Variants in ETV6 observed in about 807,000 individuals in gnomAD.
ETV6 encodes transcription factor ETV6.
A neutral mutation model predicts 51.1 loss-of-function variants in ETV6; 16 were observed. The observed-to-expected ratio is 0.31, with a 90% confidence interval of 0.21 to 0.48. The LOEUF is 0.48. Ranked by LOEUF, ETV6 falls within the 20% of genes least tolerant of loss-of-function variation. ETV6 has a pLI of 0.99. For missense variants in ETV6, 458 were observed against 594.8 expected (o/e 0.77, Z 2.39); for synonymous variants, 240 against 224.1 (o/e 1.07, Z -0.64).
At chr12:11,799,044 A>C (rs1591681926) in intron 2 of ETV6, among the ~76,000 whole-genome samples, 2 of 152,320 alleles carry the variant, frequency 1.3e-5, no homozygotes, top group East Asian at 3.9e-4. Flanking sequence ...GTTCAGGAAG[A>C]GATCTTGGGA....
chr12:11,697,476 C>T (rs1591615999), intron 1 of ETV6, among the ~76,000 whole-genome samples: 1 of 152,190 alleles, frequency 6.6e-6, no homozygotes, highest in Non-Finnish European at 1.5e-5. Context: ...TTGAGTCACT[C>T]ATTTGACTTC....
At chr12:11,687,228 TC>T (rs1391244862) in intron 1 of ETV6, among the ~76,000 whole-genome samples, 22 of 149,184 alleles carry the variant, frequency 1.5e-4, no homozygotes, top group Non-Finnish European at 2.4e-4. Context: ...TTTTTTTTTT[TC>T]AGCTCACTGC....
chr12:11,812,659 T>C (rs1044580008), intron 2 of ETV6, among the ~76,000 whole-genome samples: 2 of 152,156 alleles, frequency 1.3e-5, no homozygotes, highest in Non-Finnish European at 2.9e-5. Flanking sequence ...CTCAGTATTC[T>C]TTCACAGCCA....
intron 2 of ETV6, among the ~76,000 whole-genome samples, chr12:11,824,457 A>G (rs1206869902): frequency 6.6e-6 from 1 of 152,124 alleles, no homozygotes; most frequent in East Asian, 1.9e-4. Context: ...AGCTGTGGAG[A>G]AGCTGCTGGG....
intron 2 of ETV6, among the ~76,000 whole-genome samples, chr12:11,808,472 A>G (rs1415838206): frequency 6.6e-6 from 1 of 152,152 alleles, no homozygotes; most frequent in African/African-American, 2.4e-5. Context: ...AAATGCAACA[A>G]TAAAAAAATA....
At chr12:11,875,293 A>C (rs1377279822) in intron 5 of ETV6, among the ~76,000 whole-genome samples, 3 of 152,228 alleles carry the variant, frequency 2.0e-5, no homozygotes, top group Non-Finnish European at 2.9e-5. Flanking sequence ...AGTTTAGCAC[A>C]AGACGGAGTG....
intron 2 of ETV6, among the ~76,000 whole-genome samples, chr12:11,760,513 G>T (rs1945069253): frequency 1.3e-5 from 2 of 152,308 alleles, no homozygotes; most frequent in African/African-American, 2.4e-5. Flanking sequence ...GTTCACTGAG[G>T]AGGGTGAAGG....
rs887418550 is a variant in ETV6, at chr12:11,691,817, T to G, written c.33+41657T>G. Among the ~76,000 whole-genome samples the G allele has an allele frequency of 9.2e-5, 14 of 152,246 alleles. 1 individual carries two copies. The highest frequency in any genetic ancestry group is 7.8e-4 in the Admixed American group (12 of 15,290). ...CAGGTTTGCCATAAATATATTCATG[T>G]ATGTATAATCAGTTGTCCACGTGCA... On this transcript the variant is annotated intron_variant, in intron 1 of 7. Coordinates refer to ENST00000396373, the MANE Select transcript of ETV6 (RefSeq NM_001987.5).
At chr12:11,742,805 C>CTTTTTTTTTTTTTTTTTTTTTTTTTTTCT (rs751007395) in intron 1 of ETV6, among the ~76,000 whole-genome samples, 1 of 78,684 alleles carries the variant, frequency 1.3e-5, no homozygotes, top group African/African-American at 4.9e-5. Flanking sequence ...TTCTTTCTTT[C>CTTTTTTTTTTTTTTTTTTTTTTTTTTTCT]TTTTTTTTTT....
At chr12:11,888,329 T>C (rs1053435903) in intron 7 of ETV6, among the ~76,000 whole-genome samples, 1 of 152,038 alleles carries the variant, frequency 6.6e-6, no homozygotes, top group Non-Finnish European at 1.5e-5. Flanking sequence ...GCTGTCGTCT[T>C]CCATCATCAC....
intron 1 of ETV6, among the ~76,000 whole-genome samples, chr12:11,650,503 CAA>C (rs1393080284): frequency 7.5e-5 from 9 of 120,170 alleles, no homozygotes; most frequent in African/African-American, 2.6e-4. Context: ...AAACAAAAAA[CAA>C]AAAAAAAAAA....
chr12:11,761,006 A>C (rs1945079167), intron 2 of ETV6, among the ~76,000 whole-genome samples: 1 of 152,148 alleles, frequency 6.6e-6, no homozygotes, highest in Non-Finnish European at 1.5e-5. Context: ...AACTCTGCAC[A>C]GTAGATATTA....
At chr12:11,768,026 C>T (rs1945187692) in intron 2 of ETV6, among the ~76,000 whole-genome samples, 1 of 152,118 alleles carries the variant, frequency 6.6e-6, no homozygotes, top group Non-Finnish European at 1.5e-5. Context: ...CAGGATATTT[C>T]CAAATGGCTG....
At chr12:11,709,250 G>C (rs1031773459) in intron 1 of ETV6, among the ~76,000 whole-genome samples, 1 of 151,954 alleles carries the variant, frequency 6.6e-6, no homozygotes, top group African/African-American at 2.4e-5. Flanking sequence ...TTCTACCCCT[G>C]CCCTCTTATC....
intron 2 of ETV6, among the ~76,000 whole-genome samples, chr12:11,824,706 A>G (rs1946128244): frequency 6.6e-6 from 1 of 152,146 alleles, no homozygotes; most frequent in South Asian, 2.1e-4. Context: ...CTGGAGGCGG[A>G]AGTTGCTGTG....
chr12:11,854,388 G>A (rs889306789), intron 4 of ETV6, among the ~76,000 whole-genome samples: 46 of 152,188 alleles, frequency 3.0e-4, no homozygotes, highest in African/African-American at 1.1e-3. Context: ...ACCAGTCAGT[G>A]ACCTGGAGGT....
At position 11,650,050 on chromosome 12, in the gene ETV6, T is replaced by C; in HGVS notation, c.-78T>C. On this transcript the variant is annotated 5_prime_UTR_variant, in exon 1 of 8. Transcript: ENST00000396373. ...TTAAATGACCGCGTCTGGCTGGCCG[T>C]GGAGCCTTTCTGGGTTGGGGAGAGG... is the stretch of plus-strand genomic sequence containing the variant. 1 of 1,324,686 alleles carries C rather than the reference T, an allele frequency of 7.5e-7. No homozygotes were observed. The highest frequency in any genetic ancestry group is 1.1e-6 in the Non-Finnish European group (1 of 917,794). The allele number at this position is 1,324,686 out of a possible 1,614,324, so 82.1% of individuals were successfully genotyped here. A position where few individuals can be genotyped will look rare whatever the true frequency, so the allele number is the denominator to read the frequency against.
chr12:11,765,427 G>T (rs1358208519), intron 2 of ETV6, among the ~76,000 whole-genome samples: 6 of 150,372 alleles, frequency 4.0e-5, no homozygotes, highest in African/African-American at 1.5e-4. Context: ...CTCTTTTTGT[G>T]CTTTAGGTCT....
At chr12:11,859,233 C>G (rs548791211) in intron 4 of ETV6, among the ~76,000 whole-genome samples, 2 of 140,916 alleles carry the variant, frequency 1.4e-5, no homozygotes, top group South Asian at 4.7e-4. Context: ...GCTCCACCTC[C>G]TGGGTTCACT....
Sources: allele counts gnomAD v4.1 joint callset (sites outside exome capture counted in the v4.1 genomes callset), GRCh38; gene constraint gnomAD v4.1.1; transcripts MANE v1.5; gene names NCBI Gene and HGNC (gene_info 2026-07-23, HGNC 2026-07-21).